MAGI2: variants seen among roughly 807,000 people sequenced by gnomAD.
MAGI2 encodes the protein membrane-associated guanylate kinase, WW and PDZ domain-containing protein 2.
In MAGI2, 35 loss-of-function variants were observed where a neutral mutation model predicts 133.3. The observed-to-expected ratio is 0.26, with a 90% CI of 0.20 to 0.35. The LOEUF (loss-of-function observed/expected upper bound fraction) is 0.35, where lower values mean the gene tolerates loss of function less well. Among genes scored for constraint, MAGI2 ranks in the 10% least tolerant of loss-of-function variants. The pLI is 1.00. For missense variants in MAGI2, 1,636 were observed against 1,863.4 expected, an observed-to-expected ratio of 0.88 and a Z score of 2.25; for synonymous variants, 729 against 710.6, an observed-to-expected ratio of 1.03 and a Z score of -0.41.
chr7:78,712,636 G>A (rs1226003963), intron 2 of MAGI2, among the ~76,000 whole-genome samples: 1 of 152,116 alleles, frequency 6.6e-6, no homozygotes, highest in African/African-American at 2.4e-5. Flanking sequence ...AGAGTAAAGG[G>A]CAGTAGGTGC....
intron 1 of MAGI2, among the ~76,000 whole-genome samples, chr7:79,139,062 G>A (rs557521540): frequency 1.3e-5 from 2 of 150,180 alleles, no homozygotes; most frequent in African/African-American, 4.9e-5. Flanking sequence ...ACAGAAAGAA[G>A]ACAATCATTT....
chr7:78,708,416 G>A (rs1818861831), intron 2 of MAGI2, among the ~76,000 whole-genome samples: 1 of 152,074 alleles, frequency 6.6e-6, no homozygotes, highest in Admixed American at 6.6e-5. Context: ...ATAATTCAGA[G>A]CCTTTTCTGA....
chr7:78,366,769 T>C (rs1437671082), intron 7 of MAGI2, among the ~76,000 whole-genome samples: 1 of 152,178 alleles, frequency 6.6e-6, no homozygotes, highest in Non-Finnish European at 1.5e-5. Flanking sequence ...TAAGTTTGAA[T>C]TATCTGTTTA....
chr7:79,230,903 T>C (rs1209312941), intron 1 of MAGI2, among the ~76,000 whole-genome samples: 3 of 135,770 alleles, frequency 2.2e-5, no homozygotes, highest in African/African-American at 8.2e-5. Flanking sequence ...CTAGGTTTTC[T>C]TCTAGGGTTT....
At chr7:78,426,747 GA>G (rs1024145972) in intron 6 of MAGI2, among the ~76,000 whole-genome samples, 4 of 152,100 alleles carry the variant, frequency 2.6e-5, no homozygotes, top group Admixed American at 2.6e-4. Flanking sequence ...CAAATTTGGT[GA>G]AAAACATACT....
chr7:78,862,452 C>G (rs184568199), intron 2 of MAGI2, among the ~76,000 whole-genome samples: 1 of 152,300 alleles, frequency 6.6e-6, no homozygotes, highest in East Asian at 1.9e-4. Context: ...GTTAGTCCTT[C>G]ACATTTCTTG....
At chr7:79,323,200 C>G (rs1585567093) in intron 1 of MAGI2, among the ~76,000 whole-genome samples, 2 of 152,206 alleles carry the variant, frequency 1.3e-5, no homozygotes, top group Middle Eastern at 3.4e-3. Context: ...CTACTGTATA[C>G]CAAGTATTGA....
chr7:78,069,186 G>T (rs1229451925), intron 21 of MAGI2, among the ~76,000 whole-genome samples: 1 of 152,212 alleles, frequency 6.6e-6, no homozygotes, highest in Non-Finnish European at 1.5e-5. Flanking sequence ...AAAGGCTGAA[G>T]GGGTGGGGCA....
At chr7:78,829,293 C>A (rs1790930524) in intron 2 of MAGI2, among the ~76,000 whole-genome samples, 1 of 152,040 alleles carries the variant, frequency 6.6e-6, no homozygotes, top group Non-Finnish European at 1.5e-5. Context: ...ACTGGTGAGA[C>A]AAGGCAAAAC....
intron 2 of MAGI2, among the ~76,000 whole-genome samples, chr7:78,936,424 T>C (rs1800523623): frequency 6.6e-6 from 1 of 151,950 alleles, no homozygotes; most frequent in Admixed American, 6.6e-5. Flanking sequence ...AATATGTTGA[T>C]AATCCATAAA....
chr7:78,765,029 G>A (rs574678294), intron 2 of MAGI2, among the ~76,000 whole-genome samples: 11 of 152,304 alleles, frequency 7.2e-5, no homozygotes, highest in Admixed American at 4.6e-4. Context: ...TAGGAGGAAC[G>A]GAGAGGGAAA....
At chr7:78,841,874 C>A (rs1011001776) in intron 2 of MAGI2, among the ~76,000 whole-genome samples, 10 of 151,918 alleles carry the variant, frequency 6.6e-5, no homozygotes, top group African/African-American at 2.4e-4. Flanking sequence ...TCTCTGACCA[C>A]CCAAGGAGCT....
At chr7:79,370,021 G>T (rs1025052513) in intron 1 of MAGI2, among the ~76,000 whole-genome samples, 2 of 151,734 alleles carry the variant, frequency 1.3e-5, no homozygotes, top group Non-Finnish European at 1.5e-5. Context: ...CTTAAATAAG[G>T]CATGCATGAA....
chr7:78,143,636 A>G (rs920230506), intron 16 of MAGI2, among the ~76,000 whole-genome samples: 3 of 152,166 alleles, frequency 2.0e-5, no homozygotes, highest in African/African-American at 7.2e-5. Flanking sequence ...TTTTTGAAGA[A>G]GCATTTATAT....
chr7:78,102,598 CTGTT>C (rs1311438786), intron 20 of MAGI2, among the ~76,000 whole-genome samples: 1 of 152,212 alleles, frequency 6.6e-6, no homozygotes, highest in Non-Finnish European at 1.5e-5. Context: ...TCCCACAGCA[CTGTT>C]GGCTTCTGTC....
chr7:78,888,340 G>T (rs919064392), intron 2 of MAGI2, among the ~76,000 whole-genome samples: 1 of 152,204 alleles, frequency 6.6e-6, no homozygotes, highest in Non-Finnish European at 1.5e-5. Flanking sequence ...AGAAACCTCT[G>T]CAGACTTCAA....
chr7:78,450,062 G>A (rs10264753), intron 6 of MAGI2, among the ~76,000 whole-genome samples: 71,981 of 151,776 alleles, frequency 0.47, 17,958 homozygotes, highest in African/African-American at 0.64. Context: ...AGAAGTCAAT[G>A]GAATTTTTTT....
chr7:78,137,172 T>C (rs1234193253), intron 16 of MAGI2, among the ~76,000 whole-genome samples: 2 of 152,192 alleles, frequency 1.3e-5, no homozygotes, highest in East Asian at 3.8e-4. Flanking sequence ...TTAGTTCCTG[T>C]TTTTGCCCCC....
chr7:78,979,915 T>G (rs1306119702), intron 2 of MAGI2, among the ~76,000 whole-genome samples: 2 of 151,966 alleles, frequency 1.3e-5, no homozygotes, highest in Non-Finnish European at 1.5e-5. Flanking sequence ...AAAATGTTAT[T>G]TGAAAAATCA....
Sources: allele counts gnomAD v4.1 joint callset (sites outside exome capture counted in the v4.1 genomes callset), GRCh38; gene constraint gnomAD v4.1.1; transcripts MANE v1.5; gene names NCBI Gene and HGNC (gene_info 2026-07-23, HGNC 2026-07-21).